The following UXS1 variants were observed in gnomAD, a reference collection of about 807,000 sequenced individuals.
UXS1 encodes UDP-glucuronate decarboxylase 1, also known as UDP-glucuronic acid decarboxylase 1.
Under a neutral mutation model 62.6 loss-of-function variants are expected in UXS1, and 33 were observed. The ratio of observed to expected loss-of-function variants is 0.53; its 90% CI spans 0.40 to 0.70. UXS1 has a LOEUF of 0.70. UXS1 is among the 30% of genes least tolerant of loss of function. UXS1 has a pLI of 0.00. For missense variants in UXS1, 434 were observed against 556.3 expected, an observed-to-expected ratio of 0.78 and a Z score of 2.21; for synonymous variants, 213 against 206.8, an observed-to-expected ratio of 1.03 and a Z score of -0.26.
chr2:106,183,543 A>C (rs1007518974), intron 1 of UXS1: 12 of 152,340 alleles, frequency 7.9e-5, no homozygotes, highest in Admixed American at 4.6e-4. Flanking sequence ...CTGATGGATT[A>C]ACTCCAAATT....
At chr2:106,110,742 C>T (rs528359225) in intron 10 of UXS1, among the ~76,000 whole-genome samples, 8 of 152,290 alleles carry the variant, frequency 5.3e-5, no homozygotes, top group South Asian at 2.1e-4. Flanking sequence ...AAGCTGGGGA[C>T]GCAACCATGA....
At chr2:106,105,892 G>A (rs1487207931) in intron 10 of UXS1, among the ~76,000 whole-genome samples, 2 of 152,110 alleles carry the variant, frequency 1.3e-5, no homozygotes, top group African/African-American at 4.8e-5. Flanking sequence ...CTGCCTTTGG[G>A]AACAAGCTTG....
chr2:106,164,761 A>T lies in UXS1; in HGVS notation c.161T>A (p.Leu54Gln). The T allele has an allele frequency of 6.3e-7, 1 of 1,590,288 alleles. No individual in the cohort carries two copies. Among genetic ancestry groups the T allele is most frequent in the Non-Finnish European group, 8.6e-7 (1 of 1,167,584 alleles). Residue 54 changes from leucine (L) to glutamine (Q), a missense_variant, in exon 3 of 15, where the codon CTA becomes CAA. Transcript: ENST00000283148. Reference sequence around the variant, plus strand: ...CTCTTCAATCTTGCTTTCAATTTTTAGTTCACCATTTTCCTGGATAGACCT... The same window carrying T: ...CTCTTCAATCTTGCTTTCAATTTTTTGTTCACCATTTTCCTGGATAGACCT... ...LNRSIQENGE[L>Q]KIESKIEEMV...
At chr2:106,181,738 T>A (rs570492818) in intron 1 of UXS1, among the ~76,000 whole-genome samples, 4 of 152,268 alleles carry the variant, frequency 2.6e-5, no homozygotes, top group Non-Finnish European at 5.9e-5. Flanking sequence ...TAAATTTTTT[T>A]AAAAATCCAT....
chr2:106,158,754 C>G (rs1682660120), intron 4 of UXS1, among the ~76,000 whole-genome samples: 1 of 152,198 alleles, frequency 6.6e-6, no homozygotes. Flanking sequence ...GCTGGCTTTT[C>G]TATATGTTGC....
intron 5 of UXS1, among the ~76,000 whole-genome samples, chr2:106,156,267 CA>C (rs1346486104): frequency 1.4e-4 from 21 of 151,820 alleles, no homozygotes; most frequent in African/African-American, 5.1e-4. Context: ...CAGAAATGAC[CA>C]ATAAGCACAC....
chr2:106,193,206 T>C (rs116846676), intron 1 of UXS1, among the ~76,000 whole-genome samples: 1 of 152,226 alleles, frequency 6.6e-6, no homozygotes, highest in East Asian at 1.9e-4. Flanking sequence ...ACCTCTGGAA[T>C]CAGATCTTGG....
At chr2:106,175,081 C>G (rs1308644702) in intron 1 of UXS1, among the ~76,000 whole-genome samples, 1 of 152,206 alleles carries the variant, frequency 6.6e-6, no homozygotes, top group Non-Finnish European at 1.5e-5. Flanking sequence ...GGCAGCGAAG[C>G]CTCCTGGAAT....
At chr2:106,102,270 A>G (rs1272989337) in intron 11 of UXS1, 1 of 152,186 alleles carries the variant, frequency 6.6e-6, no homozygotes, top group African/African-American at 2.4e-5. Flanking sequence ...ACAATAGTGC[A>G]CTCATGACAT....
intron 1 of UXS1, among the ~76,000 whole-genome samples, chr2:106,180,940 TC>T (rs1216538003): frequency 6.6e-6 from 1 of 152,220 alleles, no homozygotes; most frequent in Admixed American, 6.5e-5. Context: ...AGATGTAGGC[TC>T]CACCTAAGGA....
At chr2:106,108,222 C>T (rs1192428509) in intron 10 of UXS1, among the ~76,000 whole-genome samples, 1 of 152,224 alleles carries the variant, frequency 6.6e-6, no homozygotes, top group East Asian at 1.9e-4. Context: ...TACTTTGCAA[C>T]ATGAGGATTT....
chr2:106,180,470 A>C (rs1348433008), intron 1 of UXS1, among the ~76,000 whole-genome samples: 1 of 152,232 alleles, frequency 6.6e-6, no homozygotes, highest in Non-Finnish European at 1.5e-5. Context: ...TACTACAGAG[A>C]GAAAGCTCTG....
intron 10 of UXS1, among the ~76,000 whole-genome samples, chr2:106,110,012 C>T (rs576717801): frequency 1.2e-4 from 18 of 152,300 alleles, no homozygotes; most frequent in African/African-American, 4.3e-4. Flanking sequence ...GGCAGGCCTG[C>T]GAGTCTCTCC....
chr2:106,183,074 C>G (rs2167536), intron 1 of UXS1, among the ~76,000 whole-genome samples: 149,107 of 152,232 alleles, frequency 0.98, 73,084 homozygotes, highest in South Asian at 1. Flanking sequence ...GCCCTGTTTA[C>G]GAGGATCCAT....
intron 10 of UXS1, among the ~76,000 whole-genome samples, chr2:106,111,443 T>C (rs1317911676): frequency 6.6e-6 from 1 of 152,164 alleles, no homozygotes; most frequent in African/African-American, 2.4e-5. Flanking sequence ...CAGTTGCCCT[T>C]GGAGAGTCAT....
intron 6 of UXS1, among the ~76,000 whole-genome samples, chr2:106,142,643 G>A (rs1029225956): frequency 2.9e-4 from 44 of 152,282 alleles, no homozygotes; most frequent in Middle Eastern, 3.4e-3. Flanking sequence ...GGCATTGTTG[G>A]ATGAAGTGGG....
At chr2:106,141,563 T>C (rs1410311321) in intron 6 of UXS1, among the ~76,000 whole-genome samples, 1 of 150,986 alleles carries the variant, frequency 6.6e-6, no homozygotes, top group Admixed American at 6.6e-5. Flanking sequence ...GCTCAAGTAA[T>C]CCTCCCACCT....
rs1054582836 is a variant in UXS1 at position 106,184,666 on chromosome 2, A to G, written c.94+9482T>C. Reference sequence around the variant, plus strand: ...GCCTCTGTTACAAAGACACTATCCCATGCATGAGGGCTCTGCCTCCTGACC... The same window carrying G: ...GCCTCTGTTACAAAGACACTATCCCGTGCATGAGGGCTCTGCCTCCTGACC... On this transcript the variant is annotated intron_variant, in intron 1 of 14. Transcript: ENST00000283148. Among the ~76,000 whole-genome samples, 18 of 152,290 alleles carry G rather than the reference A, an allele frequency of 1.2e-4. No individual in the cohort carries two copies. In the East Asian group the frequency reaches 2.7e-3, roughly 23 times the overall value.
At chr2:106,188,732 A>T (rs1222358219) in intron 1 of UXS1, among the ~76,000 whole-genome samples, 1 of 152,246 alleles carries the variant, frequency 6.6e-6, no homozygotes. Flanking sequence ...TTCAGCTCAC[A>T]GAAGGCAGTG....
Sources: gnomAD v4.1 joint callset for allele counts (sites outside exome capture counted in the v4.1 genomes callset) on GRCh38, gnomAD v4.1.1 for gene constraint, MANE v1.5 for transcripts, NCBI Gene and HGNC (gene_info 2026-07-23, HGNC 2026-07-21) for gene names.